LLGL2: variants seen among roughly 807,000 people sequenced by gnomAD.
LLGL2 encodes the protein LLGL scribble cell polarity complex component 2.
A neutral mutation model predicts 123.2 loss-of-function variants in LLGL2; 81 were observed. The ratio of observed to expected loss-of-function variants is 0.66; its 90% CI spans 0.55 to 0.79. The LOEUF is 0.79. LLGL2 is among the 30% of genes least tolerant of loss of function. The pLI is 0.00. For missense variants in LLGL2, 1,273 were observed against 1,414.6 expected, an observed-to-expected ratio of 0.90 and a Z score of 1.61; for synonymous variants, 577 against 594.1, an observed-to-expected ratio of 0.97 and a Z score of 0.42.
chr17:75,528,733 C>T (rs1431040414), intron 1 of LLGL2, among the ~76,000 whole-genome samples: 1 of 132,918 alleles, frequency 7.5e-6, no homozygotes, highest in Non-Finnish European at 1.6e-5. Context: ...AGCAAAACTC[C>T]ATCTCAAAAC....
Position 75,571,201 on chromosome 17 carries a change from A to G in LLGL2, c.2176+101A>G, listed in dbSNP as rs561207669. 2.3e-5 allele frequency: 26 copies of G among 1,154,428 alleles called. No individual in the cohort carries two copies. In the East Asian group the frequency reaches 5.7e-4, roughly 25 times the overall value. 71.5% of individuals were successfully genotyped at this position (1,154,428 alleles called of 1,614,324 possible). On this transcript the variant is annotated intron_variant, in intron 17 of 25. Transcript: ENST00000392550. ...GGCTGCTGCCTGCCTGGCTGGTAGG[A>G]GCTAAGAGGTTTCCCCTTGTGAGCA...
chr17:75,559,378 C>T lies in LLGL2; in HGVS notation c.498C>T (p.Asp166=). The change falls in exon 6 of 26, where the codon GAC becomes GAT. Residue 166 remains aspartate, a synonymous_variant. Transcript: ENST00000392550. This position sits in a 1 kb window ranked among gnomAD's most constrained non-coding sequence, Gnocchi z 4.6. ...TGCCAGCTTTTCGTGCGCTGGAGGA[C>T]CGGACCATCAGCTCGGACGCGGTGC... ...VQLPAFRALE[D]RTISSDAVLQ... is the part of the protein sequence containing the mutation. 1 of 1,612,646 alleles carries T rather than the reference C, an allele frequency of 6.2e-7. No homozygotes were observed. Among genetic ancestry groups the T allele is most frequent in the South Asian group, 1.1e-5 (1 of 91,000 alleles).
chr17:75,558,635 C>G lies in LLGL2; in HGVS notation c.371+8C>G, dbSNP rs771611240. On this transcript the variant is annotated splice_region_variant and intron_variant, in intron 5 of 25. Transcript: ENST00000392550. The surrounding 1 kb of genome is among the most constrained non-coding windows in gnomAD (Gnocchi z 4.0). Reference sequence around the variant, plus strand: ...ACTGCGTGGACCCCCAGGGTAAGGGCTCAATCCCCAGCCCCTTCCACTCCC... The same window carrying G: ...ACTGCGTGGACCCCCAGGGTAAGGGGTCAATCCCCAGCCCCTTCCACTCCC... 1.1e-5 allele frequency: 17 copies of G among 1,582,370 alleles called. No individual in the cohort carries two copies. Among genetic ancestry groups the G allele is most frequent in the Non-Finnish European group, 1.5e-5 (17 of 1,162,648 alleles).
rs374324740 is a variant in LLGL2, at chr17:75,551,652, G to GC, written c.76-4391dup. Among the ~76,000 whole-genome samples, 687 of 152,190 alleles carry GC rather than the reference G, an allele frequency of 4.5e-3. 8 individuals carry two copies. Among genetic ancestry groups the GC allele is most frequent in the African/African-American group, 0.016 (654 of 41,532 alleles). On this transcript the variant is annotated intron_variant, in intron 2 of 25. Transcript: ENST00000392550. ...TGGTGAAATGTTAGAAGAACTGCCCGCCCTTGACTTGTGGCCTGAGAGCCT... is the reference window on the plus strand; with the variant it reads ...TGGTGAAATGTTAGAAGAACTGCCCGCCCCTTGACTTGTGGCCTGAGAGCCT...
At chr17:75,530,416 C>G (rs1174891596) in intron 1 of LLGL2, among the ~76,000 whole-genome samples, 1 of 151,972 alleles carries the variant, frequency 6.6e-6, no homozygotes, top group Non-Finnish European at 1.5e-5. Context: ...TTTGGGAGGC[C>G]GAGGCAGGCG....
In LLGL2 at chr17:75,564,679, G is replaced by T; in HGVS notation, c.1036+172G>T. 1.8e-6 allele frequency: 2 copies of T among 1,085,668 alleles called. No homozygotes were observed. Among genetic ancestry groups the T allele is most frequent in the Non-Finnish European group, 2.6e-6 (2 of 781,142 alleles). 67.3% of individuals were successfully genotyped at this position (1,085,668 alleles called of 1,614,324 possible). On this transcript the variant is annotated intron_variant, in intron 10 of 25. Transcript: ENST00000392550. The surrounding 1 kb of genome is among the most constrained non-coding windows in gnomAD (Gnocchi z 4.9). ...GGAGTTCAAGTCCAGCCTGGACAAC[G>T]TAGGGAGACCCTTGTCTCTACAAAA...
chr17:75,573,656 T>TAACCCC, intron 21 of LLGL2, 25 bp downstream of exon 21: 1 of 1,429,160 alleles, frequency 7.0e-7, no homozygotes, highest in East Asian at 2.6e-5. Flanking sequence ...CAGAGGCCTC[T>TAACCCC]CCCGCCCCTC....
At chr17:75,554,042 C>T (rs2054793677) in intron 2 of LLGL2, among the ~76,000 whole-genome samples, 1 of 152,154 alleles carries the variant, frequency 6.6e-6, no homozygotes, top group Non-Finnish European at 1.5e-5. Flanking sequence ...TGGCTCACAC[C>T]TGTAATCCCA....
chr17:75,570,168 T>A lies in LLGL2; in HGVS notation c.1787T>A (p.Leu596Gln). The change falls in exon 15 of 26, where the codon CTG becomes CAG. Residue 596 changes from leucine to glutamine, a missense_variant. Leu to Gln is a moderately radical substitution (Grantham distance 113). Transcript: ENST00000392550. ...CCGGCTGTGGTCACCTCCTTGGCCC[T>A]GCACTCTGAGTGGCGGCTCGTGGCC... is the stretch of plus-strand genomic sequence containing the variant. ...QPPAVVTSLA[L>Q]HSEWRLVAFG... is the part of the protein sequence containing the mutation. 6.3e-7 allele frequency: 1 copy of A among 1,595,736 alleles called. No individual in the cohort carries two copies. Among genetic ancestry groups the A allele is most frequent in the East Asian group, 2.3e-5 (1 of 44,144 alleles).
chr17:75,531,459 G>T (rs547306377), intron 1 of LLGL2, among the ~76,000 whole-genome samples: 3 of 152,300 alleles, frequency 2.0e-5, no homozygotes, highest in African/African-American at 7.2e-5. Flanking sequence ...CTTTCTCCTG[G>T]GCCGGCTGCT....
At chr17:75,567,651 G>A (rs1236342663) in intron 10 of LLGL2, among the ~76,000 whole-genome samples, 6 of 148,904 alleles carry the variant, frequency 4.0e-5, no homozygotes, top group African/African-American at 1.2e-4. Flanking sequence ...AAAAAAAAGA[G>A]AAAAAAAAGA....
intron 6 of LLGL2, 21 bp from the exon 7 acceptor site, chr17:75,562,995 C>T: frequency 1.9e-6 from 3 of 1,609,022 alleles, no homozygotes; most frequent in Admixed American, 1.7e-5. Context: ...ATCGGAGGCT[C>T]ACGGCACTCC....
At chr17:75,537,483 C>A (rs2054047703) in intron 1 of LLGL2, among the ~76,000 whole-genome samples, 1 of 152,088 alleles carries the variant, frequency 6.6e-6, no homozygotes, top group Non-Finnish European at 1.5e-5. Context: ...CACTTGAGAT[C>A]AGGAGTTCGA....
chr17:75,567,521 C>T (rs976184204), intron 10 of LLGL2, among the ~76,000 whole-genome samples: 4 of 152,034 alleles, frequency 2.6e-5, no homozygotes, highest in African/African-American at 9.7e-5. Flanking sequence ...TGCCTGTAAT[C>T]CCAGCTACTT....
At chr17:75,570,554 G>A (rs1204470480) in intron 16 of LLGL2, 56 bp downstream of exon 16, 9 of 1,530,546 alleles carry the variant, frequency 5.9e-6, no homozygotes, top group African/African-American at 1.4e-5. Flanking sequence ...GCTCAGAGCA[G>A]CCAGCAGGGG....
At chr17:75,561,717 T>G (rs1259534409) in intron 6 of LLGL2, among the ~76,000 whole-genome samples, 1 of 152,136 alleles carries the variant, frequency 6.6e-6, no homozygotes, top group Non-Finnish European at 1.5e-5. Context: ...GATCAGGAGT[T>G]CGAGACCAGC....
At chr17:75,546,052 G>GT (rs2147230455) in intron 2 of LLGL2, 1 of 152,074 alleles carries the variant, frequency 6.6e-6, no homozygotes, top group East Asian at 1.9e-4. Flanking sequence ...ATCGCTCCTG[G>GT]TTTGAGACCC....
rs755715267 is a variant in LLGL2, at chr17:75,573,542, G to A, written c.2787G>A (p.Val929=). Reference sequence around the variant, plus strand: ...TCTCTCTCTCCACCAAGTGGCTGGTGGAGCCCCGGTGTCTGGTGGATTCAG... The same window carrying A: ...TCTCTCTCTCCACCAAGTGGCTGGTAGAGCCCCGGTGTCTGGTGGATTCAG... ...ERFSLSTKWL[V]EPRCLVDSAE... is the part of the protein sequence containing the mutation. The change falls in exon 21 of 26, where the codon GTG becomes GTA. Residue 929 remains valine (V), a synonymous_variant. Coordinates refer to ENST00000392550, the MANE Select transcript of LLGL2 (RefSeq NM_001031803.2). The A allele has an allele frequency of 9.9e-6, 16 of 1,612,802 alleles. No homozygotes were observed. In the African/African-American group the frequency reaches 1.2e-4, roughly 12 times the overall value.
At chr17:75,538,968 C>T (rs1368511464) in intron 1 of LLGL2, among the ~76,000 whole-genome samples, 1 of 152,134 alleles carries the variant, frequency 6.6e-6, no homozygotes, top group Non-Finnish European at 1.5e-5. Context: ...TCATAGCTCA[C>T]AGCAGCCTCA....
Sources: gnomAD v4.1 joint callset for allele counts (sites outside exome capture counted in the v4.1 genomes callset) on GRCh38, gnomAD v4.1.1 for gene constraint, Gnocchi (gnomAD v3.1) non-coding constraint, MANE v1.5 for transcripts, NCBI Gene and HGNC (gene_info 2026-07-23, HGNC 2026-07-21) for gene names.